The following NMRK1 variants were observed in gnomAD, a reference collection of about 807,000 sequenced individuals.
The protein encoded by NMRK1 is nicotinamide riboside kinase 1, also known as NRK 1.
Under a neutral mutation model 29.9 loss-of-function variants are expected in NMRK1, and 28 were observed. The observed-to-expected ratio is 0.94, with a 90% CI of 0.69 to 1.28. The LOEUF is 1.28. NMRK1 is among the 50% of genes most tolerant of loss of function. The pLI, the probability that NMRK1 is intolerant of heterozygous loss-of-function variation, is 0.00. For missense variants in NMRK1, 218 were observed against 233.1 expected, an observed-to-expected ratio of 0.94 and a Z score of 0.42; for synonymous variants, 58 against 73.0, an observed-to-expected ratio of 0.79 and a Z score of 1.05.
intron 1 of NMRK1, among the ~76,000 whole-genome samples, chr9:75,086,135 T>G (rs1824615811): frequency 6.6e-6 from 1 of 151,916 alleles, no homozygotes; most frequent in South Asian, 2.1e-4. Flanking sequence ...CATTGCAGCC[T>G]TGGTGACACA....
intron 6 of NMRK1, 106 bp from the exon 7 acceptor site, chr9:75,069,208 A>G (rs1823550143): frequency 2.6e-6 from 2 of 772,124 alleles, no homozygotes; most frequent in African/African-American, 3.4e-5. Context: ...CTGAATCTAA[A>G]CAGGATTAGG....
At chr9:75,073,202 G>A (rs1823798318) in intron 4 of NMRK1, among the ~76,000 whole-genome samples, 1 of 152,144 alleles carries the variant, frequency 6.6e-6, no homozygotes, top group African/African-American at 2.4e-5. Flanking sequence ...GATGTAGTCA[G>A]GGACTGGGGT....
Position 75,069,054 on chromosome 9 carries a change from A to G in NMRK1, c.438T>C (p.His146=), listed in dbSNP as rs1823537195. 2 of 1,614,190 alleles carry G rather than the reference A, an allele frequency of 1.2e-6. No individual in the cohort carries two copies. The highest frequency in any genetic ancestry group is 1.1e-5 in the South Asian group (1 of 91,086). The change falls in exon 7 of 9, where the codon CAT becomes CAC. Residue 146 remains histidine, a synonymous_variant. Transcript: ENST00000361092. The part of the protein sequence containing the change: ...PPDSPGYFDG[H]VWPMYLKYRQ... ...TGTACTTTAGATACATGGGCCACAC[A>G]TGGCCATCAAAGTATCCCGGAGAGT...
chr9:75,073,949 A>G (rs1823842740), intron 4 of NMRK1, among the ~76,000 whole-genome samples: 1 of 152,144 alleles, frequency 6.6e-6, no homozygotes, highest in Admixed American at 6.5e-5. Flanking sequence ...TTCGTTTGGT[A>G]TTAGTATAGT....
chr9:75,085,740 T>TG (rs1824586369), intron 1 of NMRK1, among the ~76,000 whole-genome samples: 4 of 150,008 alleles, frequency 2.7e-5, no homozygotes, highest in African/African-American at 7.4e-5. Context: ...TTTTTTTTTT[T>TG]TTTTTTTTTT....
At chr9:75,067,970 C>T (rs963656009) in intron 7 of NMRK1, among the ~76,000 whole-genome samples, 11 of 152,192 alleles carry the variant, frequency 7.2e-5, no homozygotes, top group African/African-American at 2.4e-4. Flanking sequence ...GTGATCTGTT[C>T]TTAGCTCAAG....
intron 6 of NMRK1, 127 bp downstream of exon 6, chr9:75,069,615 A>G: frequency 1.4e-6 from 1 of 734,810 alleles, no homozygotes; most frequent in Non-Finnish European, 2.3e-6. Context: ...TCCTTTTGTA[A>G]AAGAGTTAAG....
intron 8 of NMRK1, among the ~76,000 whole-genome samples, chr9:75,061,900 T>C (rs1823042937): frequency 6.6e-6 from 1 of 152,230 alleles, no homozygotes; most frequent in Non-Finnish European, 1.5e-5. Flanking sequence ...TTTGGAGTGT[T>C]ATCCTTGATG....
chr9:75,065,560 C>A (rs770576440), intron 8 of NMRK1, among the ~76,000 whole-genome samples: 4 of 152,126 alleles, frequency 2.6e-5, no homozygotes, highest in Non-Finnish European at 5.9e-5. Flanking sequence ...CCCAAGCAAT[C>A]CTCCCAATTT....
At chr9:75,074,107 G>A (rs534655234) in intron 4 of NMRK1, among the ~76,000 whole-genome samples, 103 of 151,406 alleles carry the variant, frequency 6.8e-4, no homozygotes, top group Middle Eastern at 3.4e-3. Context: ...GCCCAGACTG[G>A]AGTGCAGTGG....
chr9:75,071,178 C>G (rs1823678354), intron 4 of NMRK1, among the ~76,000 whole-genome samples: 2 of 151,852 alleles, frequency 1.3e-5, no homozygotes, highest in Non-Finnish European at 2.9e-5. Context: ...TTATTCATTT[C>G]TTTTCAGTCT....
At chr9:75,080,793 G>GT (rs761787047) in intron 2 of NMRK1, among the ~76,000 whole-genome samples, 1 of 152,184 alleles carries the variant, frequency 6.6e-6, no homozygotes, top group Non-Finnish European at 1.5e-5. Context: ...AGAGCTGGTT[G>GT]TTTAAAAAGT....
At chr9:75,073,035 T>C (rs1283201351) in intron 4 of NMRK1, among the ~76,000 whole-genome samples, 1 of 152,214 alleles carries the variant, frequency 6.6e-6, no homozygotes, top group Non-Finnish European at 1.5e-5. Flanking sequence ...AAAGTCCTAA[T>C]GCCCAGTTCT....
At chr9:75,065,123 C>G (rs1333266700) in intron 8 of NMRK1, among the ~76,000 whole-genome samples, 1 of 152,170 alleles carries the variant, frequency 6.6e-6, no homozygotes, top group Non-Finnish European at 1.5e-5. Context: ...CCTCAATACC[C>G]TGAGTAGCTG....
intron 7 of NMRK1, among the ~76,000 whole-genome samples, chr9:75,068,637 C>T (rs1010704135): frequency 2.0e-5 from 3 of 152,194 alleles, no homozygotes; most frequent in Admixed American, 1.3e-4. Context: ...AACTTGGTGT[C>T]GCAGAACTTA....
At chr9:75,067,002 T>C in intron 7 of NMRK1, 162 bp from the exon 8 acceptor site, 2 of 520,692 alleles carry the variant, frequency 3.8e-6, no homozygotes, top group Non-Finnish European at 3.4e-6. Context: ...AAGAAATAGA[T>C]GCTAGCCAGC....
intron 4 of NMRK1, among the ~76,000 whole-genome samples, chr9:75,073,746 A>T (rs1461718975): frequency 6.6e-6 from 1 of 152,184 alleles, no homozygotes; most frequent in Non-Finnish European, 1.5e-5. Context: ...CTCAATAAAA[A>T]ATAAACAAAC....
At chr9:75,071,544 T>TA (rs1279770073) in intron 4 of NMRK1, among the ~76,000 whole-genome samples, 1 of 152,258 alleles carries the variant, frequency 6.6e-6, no homozygotes, top group East Asian at 1.9e-4. Context: ...TGGTTCTTGG[T>TA]ATAATAAGTG....
chr9:75,068,868 G>A, intron 7 of NMRK1, 128 bp downstream of exon 7: 1 of 601,954 alleles, frequency 1.7e-6, no homozygotes, highest in South Asian at 2.4e-5. Flanking sequence ...ACCAGCTATG[G>A]AAAAGGAGAA....
Sources: allele counts gnomAD v4.1 joint callset (sites outside exome capture counted in the v4.1 genomes callset), GRCh38; gene constraint gnomAD v4.1.1; transcripts MANE v1.5; gene names NCBI Gene and HGNC (gene_info 2026-07-23, HGNC 2026-07-21).